The following METAP1D variants were observed in gnomAD, a reference collection of about 807,000 sequenced individuals.
METAP1D encodes the protein methionyl aminopeptidase type 1D, mitochondrial.
In METAP1D, 31 loss-of-function variants were observed where a neutral mutation model predicts 40.5. The observed-to-expected ratio is 0.77, with a 90% CI of 0.58 to 1.03. The LOEUF is 1.03. METAP1D is among the 50% of genes least tolerant of loss of function. The pLI, the probability that METAP1D is intolerant of heterozygous loss-of-function variation, is 0.00. For missense variants in METAP1D, 411 were observed against 420.7 expected, an observed-to-expected ratio of 0.98 and a Z score of 0.20; for synonymous variants, 151 against 146.4, an observed-to-expected ratio of 1.03 and a Z score of -0.22.
intron 3 of METAP1D, 70 bp from the exon 4 acceptor site, chr2:172,065,534 A>G (rs1052762015): frequency 6.7e-7 from 1 of 1,488,212 alleles, no homozygotes; most frequent in South Asian, 1.2e-5. Context: ...TACTGTTGCT[A>G]TAGCATAGTT....
chr2:172,045,692 CATATAT>C (rs199604213), intron 1 of METAP1D, among the ~76,000 whole-genome samples: 1 of 66,450 alleles, frequency 1.5e-5, no homozygotes, highest in African/African-American at 5.4e-5. Flanking sequence ...AAGGATCATT[CATATAT>C]ATGTGTGTGT....
intron 1 of METAP1D, among the ~76,000 whole-genome samples, chr2:172,033,404 A>C (rs1386547498): frequency 6.6e-6 from 1 of 151,486 alleles, no homozygotes; most frequent in Non-Finnish European, 1.5e-5. Flanking sequence ...CCCAGGCCAG[A>C]GTGCAGTGGT....
chr2:172,054,873 T>A (rs1288868951), intron 1 of METAP1D, among the ~76,000 whole-genome samples: 1 of 152,192 alleles, frequency 6.6e-6, no homozygotes, highest in African/African-American at 2.4e-5. Flanking sequence ...TAAAAATAAT[T>A]CTTATTATTA....
intron 1 of METAP1D, among the ~76,000 whole-genome samples, chr2:172,050,226 T>G (rs977733074): frequency 6.6e-6 from 1 of 152,218 alleles, no homozygotes; most frequent in Non-Finnish European, 1.5e-5. Context: ...ATATGAAGAC[T>G]AAAATCATGC....
chr2:172,072,576 A>G (rs1006087308), intron 6 of METAP1D: 3 of 165,240 alleles, frequency 1.8e-5, no homozygotes, highest in African/African-American at 4.8e-5. Context: ...ACACAGCTGC[A>G]CATGGGCTTT....
intron 1 of METAP1D, among the ~76,000 whole-genome samples, chr2:172,018,782 T>C (rs1431895582): frequency 6.6e-6 from 1 of 151,236 alleles, no homozygotes; most frequent in East Asian, 2.0e-4. Flanking sequence ...ATTACCTTTC[T>C]GCCCTCCTAT....
rs189634275 is a variant in METAP1D at position 172,023,414 on chromosome 2, A to G, written c.40+23405A>G. ...CTTGAGGATTGTTACAGTGATTTCA[A>G]TCCCTGACCTCACCAGATGATGTGG... On this transcript the variant is annotated intron_variant, in intron 1 of 9. Transcript: ENST00000315796. Among the ~76,000 whole-genome samples, 272 of 152,322 alleles carry G rather than the reference A, an allele frequency of 1.8e-3. 2 individuals carry two copies. The highest frequency in any genetic ancestry group is 6.3e-3 in the African/African-American group (261 of 41,578).
At chr2:172,059,734 T>C (rs181205686) in intron 1 of METAP1D, among the ~76,000 whole-genome samples, 2 of 152,354 alleles carry the variant, frequency 1.3e-5, no homozygotes, top group South Asian at 2.1e-4. Flanking sequence ...TGCCATGTAG[T>C]TGTGACCTGT....
chr2:172,014,581 G>C (rs945807608), intron 1 of METAP1D, among the ~76,000 whole-genome samples: 1 of 152,206 alleles, frequency 6.6e-6, no homozygotes, highest in African/African-American at 2.4e-5. Flanking sequence ...AAGTTGGACA[G>C]TATTGGTTTT....
chr2:172,024,364 A>G (rs1014475292), intron 1 of METAP1D, among the ~76,000 whole-genome samples: 2 of 152,168 alleles, frequency 1.3e-5, no homozygotes, highest in African/African-American at 4.8e-5. Context: ...TTAGATAAAC[A>G]GAAAAATGTA....
At chr2:172,004,983 C>T in intron 1 of METAP1D, among the ~76,000 whole-genome samples, 1 of 151,108 alleles carries the variant, frequency 6.6e-6, no homozygotes. Context: ...AGTGCAGTGG[C>T]ACAATCACAG....
chr2:172,029,952 C>T (rs1448566219), intron 1 of METAP1D, among the ~76,000 whole-genome samples: 1 of 152,092 alleles, frequency 6.6e-6, no homozygotes, highest in Non-Finnish European at 1.5e-5. Flanking sequence ...GATGGGGTTT[C>T]ACTATGTTGG....
intron 1 of METAP1D, among the ~76,000 whole-genome samples, chr2:172,059,531 A>G (rs1349426604): frequency 6.6e-6 from 1 of 152,222 alleles, no homozygotes; most frequent in African/African-American, 2.4e-5. Context: ...ATTTGTAAGC[A>G]AATGAGGGTA....
chr2:172,069,119 G>A (rs1690362768), intron 5 of METAP1D, among the ~76,000 whole-genome samples: 1 of 151,986 alleles, frequency 6.6e-6, no homozygotes, highest in South Asian at 2.1e-4. Context: ...GTTTCACTAT[G>A]TTTCCCAAGC....
chr2:172,053,069 A>G (rs1331798065), intron 1 of METAP1D, among the ~76,000 whole-genome samples: 4 of 152,278 alleles, frequency 2.6e-5, no homozygotes, highest in African/African-American at 9.6e-5. Context: ...ATAAAAATCA[A>G]TAAAAGAGTT....
Position 172,064,123 on chromosome 2 carries a change from A to T in METAP1D, c.348+263A>T, listed in dbSNP as rs376223996. 5.1e-4 allele frequency: 163 copies of T among 317,024 alleles called. 2 individuals are homozygous for T. The South Asian group carries it at 0.011, about 22-fold the overall frequency. The allele number at this position is 317,024 out of a possible 1,614,324, so 19.6% of individuals were successfully genotyped here. A position where few individuals can be genotyped will look rare whatever the true frequency, so the allele number is the denominator to read the frequency against. ...AGAATTCTAGAGATACTTTGGTCTC[A>T]GTCAACCTATCCAAGTTGATCAATG... On this transcript the variant is annotated intron_variant, in intron 3 of 9. Transcript: ENST00000315796.
At chr2:172,074,303 A>G (rs1049982923) in intron 6 of METAP1D, among the ~76,000 whole-genome samples, 14 of 152,102 alleles carry the variant, frequency 9.2e-5, no homozygotes, top group African/African-American at 3.4e-4. Context: ...ATATGTTTTG[A>G]TATTAATTTG....
At chr2:172,023,214 A>G (rs1689046449) in intron 1 of METAP1D, among the ~76,000 whole-genome samples, 1 of 152,224 alleles carries the variant, frequency 6.6e-6, no homozygotes, top group Non-Finnish European at 1.5e-5. Context: ...GTTTGCTTGG[A>G]AACAGTCTAA....
chr2:172,032,355 G>C (rs1246356715), intron 1 of METAP1D, among the ~76,000 whole-genome samples: 2 of 152,130 alleles, frequency 1.3e-5, no homozygotes, highest in East Asian at 3.9e-4. Flanking sequence ...GTGAAATTAT[G>C]TTTCACTTGA....
Sources: gnomAD v4.1 joint callset for allele counts (sites outside exome capture counted in the v4.1 genomes callset) on GRCh38, gnomAD v4.1.1 for gene constraint, MANE v1.5 for transcripts, NCBI Gene and HGNC (gene_info 2026-07-23, HGNC 2026-07-21) for gene names.